The following IFT140 variants were observed in gnomAD, a reference collection of about 807,000 sequenced individuals.
IFT140 encodes the protein intraflagellar transport protein 140 homolog.
IFT140 carries 133 observed loss-of-function variants against 164.6 expected under a neutral mutation model. The observed-to-expected ratio is 0.81, with a 90% CI of 0.70 to 0.93. IFT140 has a LOEUF of 0.93. IFT140 is among the 40% of genes least tolerant of loss of function. The probability of loss-of-function intolerance (pLI) is 0.00; values close to 1 mark genes in which losing one functional copy is unlikely to be tolerated. For missense variants in IFT140, 2,045 were observed against 1,972.3 expected, an observed-to-expected ratio of 1.04 and a Z score of -0.70; for synonymous variants, 860 against 817.3, an observed-to-expected ratio of 1.05 and a Z score of -0.89.
intron 12 of IFT140, among the ~76,000 whole-genome samples, chr16:1,582,626 G>A (rs916803412): frequency 1.3e-5 from 2 of 152,266 alleles, no homozygotes; most frequent in Admixed American, 6.5e-5. Context: ...GGCCAAGGCC[G>A]GGCGCGGAGG....
intron 13 of IFT140, chr16:1,580,480 C>G: frequency 3.1e-6 from 1 of 324,582 alleles, no homozygotes; most frequent in Non-Finnish European, 5.8e-6. Context: ...CTCTCTTCCT[C>G]CTGCTCCGGC....
intron 19 of IFT140, among the ~76,000 whole-genome samples, chr16:1,528,404 C>T (rs1426542439): frequency 1.4e-5 from 2 of 147,412 alleles, no homozygotes; most frequent in South Asian, 2.1e-4. Flanking sequence ...CACGGATGCA[C>T]ACACATGGAC....
At chr16:1,608,056 T>C (rs757174725) in intron 2 of IFT140, among the ~76,000 whole-genome samples, 2 of 152,074 alleles carry the variant, frequency 1.3e-5, no homozygotes, top group Non-Finnish European at 2.9e-5. Flanking sequence ...GACTGTCTTT[T>C]ACCTCTGACT....
chr16:1,540,998 T>G, intron 19 of IFT140: 1 of 985,354 alleles, frequency 1.0e-6, no homozygotes, highest in Non-Finnish European at 1.2e-6. Context: ...GGCCCCTGTG[T>G]AAGGTTTTAT....
chr16:1,534,349 C>G, intron 19 of IFT140: 2 of 1,612,766 alleles, frequency 1.2e-6, no homozygotes, highest in Non-Finnish European at 1.7e-6. Flanking sequence ...AACGTGGCGG[C>G]CTTCACCTCC....
intron 19 of IFT140, among the ~76,000 whole-genome samples, chr16:1,538,014 C>T (rs368853030): frequency 1.1e-3 from 171 of 152,360 alleles, no homozygotes; most frequent in African/African-American, 3.9e-3. Context: ...GCTGCTACCA[C>T]GCACAGCCAC....
intron 19 of IFT140, among the ~76,000 whole-genome samples, chr16:1,538,514 C>A (rs576989446): frequency 1.3e-5 from 2 of 152,172 alleles, no homozygotes; most frequent in African/African-American, 4.8e-5. Flanking sequence ...CCCTCCTCCC[C>A]CTTCATTCTG....
At chr16:1,541,422 C>A (rs1363760281) in intron 19 of IFT140, 14 of 985,292 alleles carry the variant, frequency 1.4e-5, no homozygotes, top group African/African-American at 1.7e-5. Context: ...CCACCATGAG[C>A]CGCTTGGGGG....
chr16:1,569,778 G>C (rs368268020), intron 14 of IFT140, among the ~76,000 whole-genome samples: 13 of 150,592 alleles, frequency 8.6e-5, no homozygotes, highest in African/African-American at 3.2e-4. Flanking sequence ...TTAAGAAATT[G>C]GGTTTCACCA....
intron 6 of IFT140, among the ~76,000 whole-genome samples, chr16:1,591,239 A>C (rs1596433190): frequency 1.3e-5 from 2 of 149,056 alleles, no homozygotes; most frequent in Admixed American, 6.7e-5. Flanking sequence ...TCATCTCTCC[A>C]CCCCCTTCTC....
At chr16:1,514,871 A>T (rs950811710) in intron 30 of IFT140, among the ~76,000 whole-genome samples, 3 of 152,202 alleles carry the variant, frequency 2.0e-5, no homozygotes, top group Non-Finnish European at 2.9e-5. Context: ...TAGGATATAA[A>T]TATAAAATAT....
chr16:1,607,056 C>A, intron 3 of IFT140, 64 bp downstream of exon 3: 5 of 1,543,848 alleles, frequency 3.2e-6, no homozygotes, highest in Non-Finnish European at 4.4e-6. Context: ...ACAAGGACAA[C>A]AGCAACACAA....
chr16:1,594,139 G>C (rs2035331858), intron 4 of IFT140, among the ~76,000 whole-genome samples: 1 of 152,156 alleles, frequency 6.6e-6, no homozygotes, highest in African/African-American at 2.4e-5. Context: ...CTGTCCCTTT[G>C]ATGTGCCCCC....
At chr16:1,589,241 G>A (rs1462722161) in intron 7 of IFT140, among the ~76,000 whole-genome samples, 2 of 152,178 alleles carry the variant, frequency 1.3e-5, no homozygotes, top group Non-Finnish European at 2.9e-5. Context: ...GCTGGAAGAC[G>A]GGGATACGGT....
At chr16:1,526,164 G>T in intron 20 of IFT140, 87 bp from the exon 21 acceptor site, 3 of 1,273,100 alleles carry the variant, frequency 2.4e-6, no homozygotes, top group Non-Finnish European at 3.3e-6. Context: ...ACCGGTCACC[G>T]CACCTTCCCA....
chr16:1,572,740 A>G (rs1208672585), intron 13 of IFT140, among the ~76,000 whole-genome samples: 1 of 152,228 alleles, frequency 6.6e-6, no homozygotes, highest in Non-Finnish European at 1.5e-5. Context: ...TCTTTTAGGG[A>G]CTAACCTTAA....
Position 1,552,737 on chromosome 16 carries a change from C to T in IFT140, c.2399+5198G>A, listed in dbSNP as rs111621426. Among the ~76,000 whole-genome samples the T allele has an allele frequency of 8.7e-3, 1,316 of 151,674 alleles. 13 individuals carry two copies. Among genetic ancestry groups the T allele is most frequent in the Non-Finnish European group, 0.013 (897 of 67,904 alleles). ...GATCTCGGCTCACTGCAACCTCCGCCTCTTGGGTTCAAGCAATTCTCTGCT... is the reference window on the plus strand; with the variant it reads ...GATCTCGGCTCACTGCAACCTCCGCTTCTTGGGTTCAAGCAATTCTCTGCT... On this transcript the variant is annotated intron_variant, in intron 19 of 30. Transcript: ENST00000426508.
Position 1,553,768 on chromosome 16 carries a change from G to A in IFT140, c.2399+4167C>T, listed in dbSNP as rs942081434. 1 of 1,176,348 alleles carries A rather than the reference G, an allele frequency of 8.5e-7. No homozygotes were observed. Among genetic ancestry groups the A allele is most frequent in the Non-Finnish European group, 1.1e-6 (1 of 935,300 alleles). 72.9% of individuals were successfully genotyped at this position (1,176,348 alleles called of 1,614,324 possible). On this transcript the variant is annotated intron_variant, in intron 19 of 30. Transcript: ENST00000426508. This position sits in a 1 kb window ranked among gnomAD's most constrained non-coding sequence, Gnocchi z 4.4. The stretch of plus-strand genomic sequence containing the variant: ...AGGGGATGAGGAGGGGCAGGGCCAT[G>A]TGGACAGCCTCTCCTCCATCCTAGA...
At chr16:1,516,998 G>A (rs895578133) in intron 30 of IFT140, among the ~76,000 whole-genome samples, 1 of 152,134 alleles carries the variant, frequency 6.6e-6, no homozygotes, top group African/African-American at 2.4e-5. Flanking sequence ...GGGGAGAAAA[G>A]AAGAGCATCA....
Sources: allele counts gnomAD v4.1 joint callset (sites outside exome capture counted in the v4.1 genomes callset), GRCh38; gene constraint gnomAD v4.1.1; non-coding constraint Gnocchi (gnomAD v3.1); transcripts MANE v1.5; gene names NCBI Gene and HGNC (gene_info 2026-07-23, HGNC 2026-07-21).